ROBO1: variants seen among roughly 807,000 people sequenced by gnomAD.
The protein encoded by ROBO1 is roundabout homolog 1.
In ROBO1, 149 loss-of-function variants were observed where a neutral mutation model predicts 195.9. The ratio of observed to expected loss-of-function variants is 0.76; its 90% CI spans 0.67 to 0.87. ROBO1 has a LOEUF of 0.87. ROBO1 is among the 40% of genes least tolerant of loss of function. ROBO1 has a pLI of 0.00. For missense variants in ROBO1, 1,933 were observed against 2,068.3 expected (o/e 0.93, Z 1.27); for synonymous variants, 816 against 733.2 (o/e 1.11, Z -1.82).
intron 29 of ROBO1, among the ~76,000 whole-genome samples, chr3:78,603,507 A>T (rs185881659): frequency 6.6e-6 from 1 of 152,162 alleles, no homozygotes; most frequent in Non-Finnish European, 1.5e-5. Context: ...ATGCTTATAC[A>T]TAAATCTCAG....
chr3:79,001,000 T>C (rs2077488683), intron 3 of ROBO1, among the ~76,000 whole-genome samples: 1 of 152,026 alleles, frequency 6.6e-6, no homozygotes, highest in East Asian at 1.9e-4. Flanking sequence ...AAACCATCGT[T>C]CTCAGCAAAC....
chr3:78,812,198 T>C (rs1576214783), intron 4 of ROBO1, among the ~76,000 whole-genome samples: 1 of 152,138 alleles, frequency 6.6e-6, no homozygotes, highest in Admixed American at 6.6e-5. Flanking sequence ...ATCATGTTTC[T>C]CTCACACTGT....
intron 1 of ROBO1, among the ~76,000 whole-genome samples, chr3:79,715,239 A>C (rs181106752): frequency 7.6e-4 from 116 of 152,262 alleles, no homozygotes; most frequent in Non-Finnish European, 1.3e-3. Flanking sequence ...GATTGAACTC[A>C]ATTTTAAAAG....
At chr3:79,744,913 A>AAT (rs151286056) in intron 1 of ROBO1, among the ~76,000 whole-genome samples, 22 of 141,464 alleles carry the variant, frequency 1.6e-4, no homozygotes, top group African/African-American at 5.1e-4. Context: ...TCAAAAATAG[A>AAT]ATATATATAT....
chr3:78,954,136 T>C (rs1267915516), intron 3 of ROBO1, among the ~76,000 whole-genome samples: 1 of 151,904 alleles, frequency 6.6e-6, no homozygotes, highest in Admixed American at 6.6e-5. Flanking sequence ...GCAGAGCATC[T>C]TTCAAAAGAC....
chr3:79,672,973 CAA>C (rs1031579948), intron 1 of ROBO1, among the ~76,000 whole-genome samples: 21 of 152,050 alleles, frequency 1.4e-4, no homozygotes, highest in Admixed American at 1.2e-3. Context: ...AAAATCCTCT[CAA>C]GAGCGAGCAA....
intron 19 of ROBO1, 61 bp from the exon 20 acceptor site, chr3:78,647,716 C>G: frequency 1.5e-6 from 2 of 1,326,480 alleles, no homozygotes; most frequent in East Asian, 4.6e-5. Context: ...GGGAACATAT[C>G]ACATTAGTAT....
intron 9 of ROBO1, among the ~76,000 whole-genome samples, chr3:78,687,326 G>A (rs549250851): frequency 2.2e-4 from 34 of 151,860 alleles, no homozygotes; most frequent in Non-Finnish European, 4.4e-4. Context: ...GTTCTTTGAG[G>A]CCAAATGGAA....
chr3:79,187,751 T>C (rs2081467040), intron 2 of ROBO1, among the ~76,000 whole-genome samples: 1 of 152,038 alleles, frequency 6.6e-6, no homozygotes, highest in Admixed American at 6.6e-5. Flanking sequence ...GTCAATTCTA[T>C]ACAATTAATT....
chr3:79,545,257 G>A (rs2107653798), intron 2 of ROBO1, among the ~76,000 whole-genome samples: 1 of 152,256 alleles, frequency 6.6e-6, no homozygotes, highest in Admixed American at 6.5e-5. Flanking sequence ...GAGGAGAAAA[G>A]TATTCATCAA....
At chr3:79,505,768 G>A (rs1171446563) in intron 2 of ROBO1, among the ~76,000 whole-genome samples, 3 of 152,196 alleles carry the variant, frequency 2.0e-5, no homozygotes, top group Non-Finnish European at 4.4e-5. Flanking sequence ...AAGGTAGACT[G>A]TTGCAAGCAA....
chr3:79,243,408 C>A (rs1405535450), intron 2 of ROBO1, among the ~76,000 whole-genome samples: 1 of 152,158 alleles, frequency 6.6e-6, no homozygotes, highest in Admixed American at 6.6e-5. Flanking sequence ...GGAATCGCCA[C>A]ACTGTCTTCC....
At chr3:79,704,108 G>A (rs1947697931) in intron 1 of ROBO1, among the ~76,000 whole-genome samples, 1 of 151,694 alleles carries the variant, frequency 6.6e-6, no homozygotes, top group South Asian at 2.1e-4. Context: ...TTGAGACAAG[G>A]GTGCAGAGAT....
chr3:79,371,499 G>A (rs1330222303), intron 2 of ROBO1, among the ~76,000 whole-genome samples: 1 of 152,064 alleles, frequency 6.6e-6, no homozygotes, highest in African/African-American at 2.4e-5. Context: ...CAGAAGATAA[G>A]GCAAGCCAGG....
At chr3:79,419,228 A>G (rs914356010) in intron 2 of ROBO1, among the ~76,000 whole-genome samples, 1 of 152,162 alleles carries the variant, frequency 6.6e-6, no homozygotes, top group Non-Finnish European at 1.5e-5. Context: ...AATGGAAAGA[A>G]CAGTACAGTA....
At chr3:79,560,090 T>G (rs1460219225) in intron 2 of ROBO1, among the ~76,000 whole-genome samples, 1 of 151,972 alleles carries the variant, frequency 6.6e-6, no homozygotes, top group Non-Finnish European at 1.5e-5. Flanking sequence ...TTATTAACAC[T>G]TACTCACGTT....
intron 3 of ROBO1, among the ~76,000 whole-genome samples, chr3:78,998,443 C>T (rs932801271): frequency 2.6e-5 from 4 of 152,176 alleles, no homozygotes; most frequent in Non-Finnish European, 5.9e-5. Flanking sequence ...TGAATCTTTA[C>T]ATCAGATTAT....
At chr3:78,849,738 C>G (rs1221491238) in intron 4 of ROBO1, among the ~76,000 whole-genome samples, 1 of 151,546 alleles carries the variant, frequency 6.6e-6, no homozygotes, top group Non-Finnish European at 1.5e-5. Flanking sequence ...CTAACCTTTA[C>G]TGTTTAATTC....
chr3:79,326,667 C>A (rs1189328146), intron 2 of ROBO1, among the ~76,000 whole-genome samples: 3 of 152,062 alleles, frequency 2.0e-5, no homozygotes, highest in Non-Finnish European at 4.4e-5. Context: ...TGGTTTTTGC[C>A]ATTAATACAT....
Sources: gnomAD v4.1 joint callset for allele counts (sites outside exome capture counted in the v4.1 genomes callset) on GRCh38, gnomAD v4.1.1 for gene constraint, MANE v1.5 for transcripts, NCBI Gene and HGNC (gene_info 2026-07-23, HGNC 2026-07-21) for gene names.